SPICE1: variants seen among roughly 807,000 people sequenced by gnomAD.
SPICE1 encodes spindle and centriole-associated protein 1.
In SPICE1, 75 loss-of-function variants were observed where a neutral mutation model predicts 102.7. The observed-to-expected ratio is 0.73, with a 90% CI of 0.61 to 0.88. The LOEUF (loss-of-function observed/expected upper bound fraction) is 0.88. Ranked by LOEUF, SPICE1 falls within the 40% of genes least tolerant of loss-of-function variation. The pLI is 0.00. For synonymous variants in SPICE1, 308 were observed against 350.3 expected (o/e 0.88, Z 1.35); for missense variants, 979 against 1,020.1 (o/e 0.96, Z 0.55).
At chr3:113,483,420 T>C (rs569562762) in intron 7 of SPICE1, among the ~76,000 whole-genome samples, 13 of 152,354 alleles carry the variant, frequency 8.5e-5, no homozygotes, top group African/African-American at 3.1e-4. Flanking sequence ...CTGATTGTCA[T>C]GGCCAGAACT....
chr3:113,497,483 G>A (rs370111764), intron 4 of SPICE1, among the ~76,000 whole-genome samples: 1 of 152,044 alleles, frequency 6.6e-6, no homozygotes, highest in East Asian at 1.9e-4. Context: ...AGCACTGACA[G>A]GAAATTATCC....
chr3:113,482,171 G>A (rs1014270541), intron 7 of SPICE1, among the ~76,000 whole-genome samples: 2 of 152,314 alleles, frequency 1.3e-5, no homozygotes, highest in Non-Finnish European at 2.9e-5. Context: ...CAGTGATGAT[G>A]AGCTTTTTTT....
At chr3:113,453,975 C>A in intron 13 of SPICE1, 25 bp from the exon 14 acceptor site, 1 of 1,542,136 alleles carries the variant, frequency 6.5e-7, no homozygotes, top group South Asian at 1.3e-5. Context: ...TTAAAAATAA[C>A]AAATATGTAT....
intron 1 of SPICE1, 168 bp downstream of exon 1, chr3:113,514,729 G>A: frequency 7.9e-7 from 1 of 1,269,514 alleles, no homozygotes; most frequent in Non-Finnish European, 1.0e-6. Context: ...AAAGCACCCT[G>A]GATAGTTTGC....
chr3:113,493,304 T>G lies in SPICE1; in HGVS notation c.394A>C (p.Asn132His). The change falls in exon 6 of 18, where the codon AAT (asparagine) becomes CAT (histidine). Residue 132 changes from asparagine (N) to histidine (H), a missense_variant. Asn to His is a moderately conservative substitution (Grantham distance 68). Coordinates refer to ENST00000295872, the MANE Select transcript of SPICE1 (RefSeq NM_144718.4). ...GAGGAATCAGGAGCCACTGTTACAT[T>G]TGGAAACCCTGCAAAAGGAAAAGAA... The part of the protein sequence containing the change: ...LFPRRRTGFP[N>H]VTVAPDSSQG... 1 of 1,613,630 alleles carries G rather than the reference T, an allele frequency of 6.2e-7. No individual in the cohort carries two copies. The highest frequency in any genetic ancestry group is 8.5e-7 in the Non-Finnish European group (1 of 1,179,658).
chr3:113,461,872 C>T (rs530136880), intron 11 of SPICE1, among the ~76,000 whole-genome samples: 1 of 152,200 alleles, frequency 6.6e-6, no homozygotes, highest in African/African-American at 2.4e-5. Context: ...TTTATACCAC[C>T]AGCCCAAATT....
intron 3 of SPICE1, among the ~76,000 whole-genome samples, chr3:113,502,515 G>A (rs1937028438): frequency 6.6e-6 from 1 of 152,116 alleles, no homozygotes; most frequent in African/African-American, 2.4e-5. Context: ...CTGTTAATGG[G>A]TAGAGGGTTT....
chr3:113,461,635 A>C (rs1162146957), intron 11 of SPICE1, among the ~76,000 whole-genome samples: 1 of 152,230 alleles, frequency 6.6e-6, no homozygotes, highest in African/African-American at 2.4e-5. Context: ...GAAGTAGAGA[A>C]GATTGCAGGT....
intron 14 of SPICE1, 145 bp from the exon 15 acceptor site, chr3:113,450,661 C>G: frequency 1.3e-6 from 1 of 773,102 alleles, no homozygotes. Context: ...ACTGCAACAT[C>G]TGCCTCCCGG....
At chr3:113,450,633 G>T in intron 14 of SPICE1, 117 bp from the exon 15 acceptor site, 1 of 1,045,354 alleles carries the variant, frequency 9.6e-7, no homozygotes, top group Non-Finnish European at 1.3e-6. Flanking sequence ...CTGGAGTGCA[G>T]TGGCGCTATC....
intron 7 of SPICE1, among the ~76,000 whole-genome samples, chr3:113,475,293 T>C (rs951015716): frequency 6.6e-6 from 1 of 152,174 alleles, no homozygotes; most frequent in Non-Finnish European, 1.5e-5. Flanking sequence ...CAATAATCAA[T>C]AGCTTACCAA....
rs776590909 is a variant in SPICE1, at chr3:113,465,633, T to C, written c.1287+20A>G. The C allele has an allele frequency of 3.7e-6, 6 of 1,604,366 alleles. No homozygotes were observed. The highest frequency in any genetic ancestry group is 2.2e-5 in the East Asian group (1 of 44,720). The stretch of plus-strand genomic sequence containing the variant: ...TTTTATACCACTGAACACATAAAAA[T>C]TGGGATCTCATCTGAGTACCTGTGT... On this transcript the variant is annotated intron_variant, in intron 11 of 17. Transcript: ENST00000295872.
chr3:113,512,538 A>G (rs1225449445), intron 1 of SPICE1, among the ~76,000 whole-genome samples: 1 of 150,610 alleles, frequency 6.6e-6, no homozygotes, highest in Non-Finnish European at 1.5e-5. Flanking sequence ...CCTCCTGAAT[A>G]GCTGGGATTA....
intron 2 of SPICE1, among the ~76,000 whole-genome samples, chr3:113,505,601 AG>A (rs1937092720): frequency 6.6e-6 from 1 of 152,234 alleles, no homozygotes; most frequent in Non-Finnish European, 1.5e-5. Flanking sequence ...CCAAAGTATC[AG>A]GTCACAAAAG....
At position 113,453,727 on chromosome 3, in the gene SPICE1, G is replaced by C; in HGVS notation, c.1881C>G (p.Pro627=). 6.2e-7 allele frequency: 1 copy of C among 1,614,148 alleles called. No individual in the cohort carries two copies. The highest frequency in any genetic ancestry group is 1.1e-5 in the South Asian group (1 of 91,072). Residue 627 remains proline (P), a synonymous_variant, in exon 14 of 18, where the codon CCC becomes CCG. Coordinates refer to ENST00000295872, the MANE Select transcript of SPICE1 (RefSeq NM_144718.4). ...GAGTGTTGGAATGGGAATTGCAGAG[G>C]GGCTGTGAGAGGTTAACAAAAGGAG... ...TQAPFVNLSQ[P]LCNSHSNTQQ... is the part of the protein sequence containing the mutation.
chr3:113,467,735 G>A (rs931893630), intron 10 of SPICE1, among the ~76,000 whole-genome samples: 2 of 152,188 alleles, frequency 1.3e-5, no homozygotes, highest in Admixed American at 6.5e-5. Flanking sequence ...CAAGTCTACC[G>A]ATTATAGGCA....
intron 12 of SPICE1, chr3:113,459,951 T>C (rs1935887638): frequency 1.0e-6 from 1 of 984,946 alleles, no homozygotes; most frequent in Admixed American, 6.2e-5. Flanking sequence ...CCAATGAGTT[T>C]ACCTCATGCA....
intron 1 of SPICE1, among the ~76,000 whole-genome samples, chr3:113,513,496 T>C (rs1937259357): frequency 6.6e-6 from 1 of 152,000 alleles, no homozygotes. Flanking sequence ...ATATCACAAA[T>C]ACAGTATATC....
At chr3:113,510,680 G>C (rs1303445386) in intron 1 of SPICE1, among the ~76,000 whole-genome samples, 1 of 152,104 alleles carries the variant, frequency 6.6e-6, no homozygotes, top group Non-Finnish European at 1.5e-5. Flanking sequence ...GAAAATCTAA[G>C]CAATACCATT....
Sources: gnomAD v4.1 joint callset for allele counts (sites outside exome capture counted in the v4.1 genomes callset) on GRCh38, gnomAD v4.1.1 for gene constraint, MANE v1.5 for transcripts, NCBI Gene and HGNC (gene_info 2026-07-23, HGNC 2026-07-21) for gene names.